The following FOXJ3 variants were observed in gnomAD, a reference collection of about 807,000 sequenced individuals.
FOXJ3 encodes forkhead box J3.
In FOXJ3, 22 loss-of-function variants were observed where a neutral mutation model predicts 76.1. The observed-to-expected ratio is 0.29, with a 90% CI of 0.21 to 0.41. The LOEUF is 0.41. FOXJ3 is among the 10% of genes least tolerant of loss of function. The pLI is 1.00. For synonymous variants in FOXJ3, 269 were observed against 261.2 expected, an observed-to-expected ratio of 1.03 and a Z score of -0.29; for missense variants, 613 against 762.1, an observed-to-expected ratio of 0.80 and a Z score of 2.30.
chr1:42,235,306 C>T (rs776689041), intron 4 of FOXJ3, among the ~76,000 whole-genome samples: 1 of 152,214 alleles, frequency 6.6e-6, no homozygotes, highest in East Asian at 1.9e-4. Flanking sequence ...TCTGTCATCC[C>T]TTTCTTTGAC....
chr1:42,277,097 T>C (rs1652321851), intron 3 of FOXJ3, among the ~76,000 whole-genome samples: 1 of 152,216 alleles, frequency 6.6e-6, no homozygotes, highest in South Asian at 2.1e-4. Flanking sequence ...GAACCTTCTG[T>C]ATTGCTTTTG....
chr1:42,265,067 CA>C (rs1294269180), intron 4 of FOXJ3, 47 bp downstream of exon 4: 6 of 1,128,874 alleles, frequency 5.3e-6, no homozygotes, highest in Non-Finnish European at 6.8e-6. Flanking sequence ...TCAAACATGA[CA>C]AGTGACATAC....
intron 4 of FOXJ3, among the ~76,000 whole-genome samples, chr1:42,236,465 G>A (rs892571480): frequency 2.0e-5 from 3 of 152,244 alleles, no homozygotes; most frequent in East Asian, 1.9e-4. Context: ...CAAGCACTAG[G>A]ATTACAGGCA....
At chr1:42,331,432 T>A (rs1244540805) in intron 1 of FOXJ3, among the ~76,000 whole-genome samples, 1 of 152,034 alleles carries the variant, frequency 6.6e-6, no homozygotes, top group Non-Finnish European at 1.5e-5. Flanking sequence ...GTCCATCAAC[T>A]AAAGCAATGG....
intron 4 of FOXJ3, among the ~76,000 whole-genome samples, chr1:42,237,427 T>TATATATATATATACAC (rs1166082659): frequency 7.7e-6 from 1 of 129,918 alleles, no homozygotes; most frequent in African/African-American, 2.7e-5. Context: ...TATATATATA[T>TATATATATATATACAC]ACATACATAC....
intron 4 of FOXJ3, among the ~76,000 whole-genome samples, chr1:42,244,928 T>C (rs1406116355): frequency 6.6e-6 from 1 of 152,158 alleles, no homozygotes; most frequent in African/African-American, 2.4e-5. Context: ...ACACCTGTAA[T>C]CCAAGCACCT....
chr1:42,218,447 CA>C (rs1250345777), intron 5 of FOXJ3, among the ~76,000 whole-genome samples: 1 of 151,998 alleles, frequency 6.6e-6, no homozygotes, highest in Non-Finnish European at 1.5e-5. Context: ...ATCTCTGTTC[CA>C]AAAAAAGCTG....
intron 3 of FOXJ3, among the ~76,000 whole-genome samples, chr1:42,276,579 AG>A (rs1319539092): frequency 6.6e-6 from 1 of 152,164 alleles, no homozygotes; most frequent in Non-Finnish European, 1.5e-5. Flanking sequence ...AATGTTGATG[AG>A]GAAAAAAAAT....
rs141583267 is a variant in FOXJ3 at position 42,186,916 on chromosome 1, C to T, written c.1645+1821G>A. Among the ~76,000 whole-genome samples the T allele has an allele frequency of 5.0e-3, 753 of 151,802 alleles. 44 individuals carry two copies. In the East Asian group the frequency reaches 0.12, roughly 24 times the overall value. On this transcript the variant is annotated intron_variant, in intron 11 of 12. Coordinates refer to ENST00000361346, the MANE Select transcript of FOXJ3 (RefSeq NM_014947.5). Reference sequence around the variant, plus strand: ...AGGCTGGAGTGCACTGGTGTGATCTCGGCTCACTACAACCTCCGCCTCCCA... The same window carrying T: ...AGGCTGGAGTGCACTGGTGTGATCTTGGCTCACTACAACCTCCGCCTCCCA...
chr1:42,286,338 T>C (rs1653052521), intron 2 of FOXJ3, among the ~76,000 whole-genome samples: 1 of 152,138 alleles, frequency 6.6e-6, no homozygotes, highest in African/African-American at 2.4e-5. Context: ...TCCACATATA[T>C]GGGAAAAGAC....
chr1:42,263,114 A>T (rs528532322), intron 4 of FOXJ3, among the ~76,000 whole-genome samples: 1 of 152,296 alleles, frequency 6.6e-6, no homozygotes, highest in Non-Finnish European at 1.5e-5. Context: ...TCCTGATTCA[A>T]AAAGAAGAGT....
intron 4 of FOXJ3, among the ~76,000 whole-genome samples, chr1:42,244,499 AC>A (rs1290626685): frequency 6.6e-6 from 1 of 152,194 alleles, no homozygotes; most frequent in African/African-American, 2.4e-5. Flanking sequence ...ACTGGGCAAT[AC>A]AGCAAGACCT....
At chr1:42,218,671 T>G (rs2124405278) in intron 5 of FOXJ3, among the ~76,000 whole-genome samples, 1 of 152,298 alleles carries the variant, frequency 6.6e-6, no homozygotes, top group East Asian at 1.9e-4. Context: ...AGTGACCGTG[T>G]TAAAATTTAA....
Position 42,224,828 on chromosome 1 carries a change from T to C in FOXJ3, c.528+3055A>G, listed in dbSNP as rs527367326. The stretch of plus-strand genomic sequence containing the variant: ...TCAGCTGGGCCCAGTGGCTCACATC[T>C]ATAATCCCAGCACTTTGGGAGGCTG... On this transcript the variant is annotated intron_variant, in intron 5 of 12. Coordinates refer to ENST00000361346, the MANE Select transcript of FOXJ3 (RefSeq NM_014947.5). Among the ~76,000 whole-genome samples the C allele has an allele frequency of 3.9e-5, 6 of 152,242 alleles. No homozygotes were observed. The East Asian group carries it at 1.2e-3, about 29-fold the overall frequency.
intron 4 of FOXJ3, among the ~76,000 whole-genome samples, 182 bp from the exon 5 acceptor site, chr1:42,228,148 CATT>C (rs1230221539): frequency 6.6e-6 from 1 of 152,140 alleles, no homozygotes; most frequent in Non-Finnish European, 1.5e-5. Context: ...CTTATAATTA[CATT>C]ATTAAAAGAA....
intron 6 of FOXJ3, among the ~76,000 whole-genome samples, chr1:42,201,387 A>G (rs1326287312): frequency 6.6e-6 from 1 of 152,132 alleles, no homozygotes; most frequent in Non-Finnish European, 1.5e-5. Context: ...CTTTGTAGAT[A>G]TTCTTTACCA....
chr1:42,297,053 T>C (rs1428408008), intron 2 of FOXJ3, among the ~76,000 whole-genome samples: 1 of 152,066 alleles, frequency 6.6e-6, no homozygotes, highest in Non-Finnish European at 1.5e-5. Context: ...GGTGTGCGGG[T>C]GTGGGTGTGT....
intron 4 of FOXJ3, among the ~76,000 whole-genome samples, chr1:42,248,326 A>G (rs1649707738): frequency 6.6e-6 from 1 of 151,978 alleles, no homozygotes; most frequent in African/African-American, 2.4e-5. Flanking sequence ...CGAGGTCAGG[A>G]GATCAAGACC....
intron 4 of FOXJ3, among the ~76,000 whole-genome samples, chr1:42,253,962 T>C (rs997384422): frequency 1.3e-5 from 2 of 150,668 alleles, no homozygotes; most frequent in Non-Finnish European, 3.0e-5. Context: ...AATTGACAAA[T>C]GGGATCTAAT....
Sources: gnomAD v4.1 joint callset for allele counts (sites outside exome capture counted in the v4.1 genomes callset) on GRCh38, gnomAD v4.1.1 for gene constraint, MANE v1.5 for transcripts, NCBI Gene and HGNC (gene_info 2026-07-23, HGNC 2026-07-21) for gene names.